Variants in CNTN5 observed in about 807,000 individuals in gnomAD.
The protein encoded by CNTN5 is contactin 5, also known as contactin-5.
A neutral mutation model predicts 129.1 loss-of-function variants in CNTN5; 77 were observed. The observed-to-expected ratio is 0.60, with a 90% CI of 0.50 to 0.72. CNTN5 has a LOEUF of 0.72. Among genes scored for constraint, CNTN5 ranks in the 30% least tolerant of loss-of-function variants. The probability of loss-of-function intolerance (pLI) is 0.00; values close to 1 mark genes in which losing one functional copy is unlikely to be tolerated. For missense variants in CNTN5, 1,478 were observed against 1,328.8 expected (o/e 1.11, Z -1.75); for synonymous variants, 509 against 465.6 (o/e 1.09, Z -1.20).
chr11:99,036,828 T>A (rs1863758625), intron 1 of CNTN5, among the ~76,000 whole-genome samples: 1 of 152,238 alleles, frequency 6.6e-6, no homozygotes, highest in South Asian at 2.1e-4. Flanking sequence ...CATCCCTTTA[T>A]GTTTATAACA....
In CNTN5 at chr11:99,370,656, A is replaced by T. The variant is rs990959251; in HGVS notation, c.-71+45172A>T. Among the ~76,000 whole-genome samples, 8 of 152,202 alleles carry T rather than the reference A, an allele frequency of 5.3e-5. No individual in the cohort carries two copies. In the East Asian group the frequency reaches 1.5e-3, roughly 29 times the overall value. On this transcript the variant is annotated intron_variant, in intron 2 of 24. Transcript: ENST00000524871. ...TCATTTGGATCAGAGAGTTGGCATA[A>T]AATTACAGAAATGGAATAGATACCC...
At chr11:100,136,917 C>T (rs1304094211) in intron 13 of CNTN5, among the ~76,000 whole-genome samples, 1 of 151,778 alleles carries the variant, frequency 6.6e-6, no homozygotes, top group Non-Finnish European at 1.5e-5. Context: ...ATGTGAACTC[C>T]ATTACCTGCA....
chr11:100,252,386 T>C (rs527274216), intron 16 of CNTN5, among the ~76,000 whole-genome samples: 31 of 152,342 alleles, frequency 2.0e-4, no homozygotes, highest in Non-Finnish European at 2.8e-4. Flanking sequence ...CTGTTGATTA[T>C]TTCTTTTGCT....
intron 3 of CNTN5, among the ~76,000 whole-genome samples, chr11:99,773,249 A>G (rs1945005313): frequency 1.3e-5 from 2 of 152,152 alleles, no homozygotes; most frequent in East Asian, 3.9e-4. Flanking sequence ...TGGCCTGAGG[A>G]AAATTCTAGG....
intron 13 of CNTN5, among the ~76,000 whole-genome samples, chr11:100,140,863 A>G (rs1946678523): frequency 1.3e-5 from 2 of 152,122 alleles, no homozygotes; most frequent in Non-Finnish European, 2.9e-5. Context: ...GTGATGTAAG[A>G]GTCAAAGTTG....
chr11:99,733,860 C>A (rs1238594633), intron 3 of CNTN5, among the ~76,000 whole-genome samples: 1 of 152,184 alleles, frequency 6.6e-6, no homozygotes. Context: ...CAGAGACCAG[C>A]CTACTGACTT....
intron 3 of CNTN5, among the ~76,000 whole-genome samples, chr11:99,655,418 C>T (rs566764125): frequency 6.6e-6 from 1 of 152,186 alleles, no homozygotes; most frequent in East Asian, 1.9e-4. Flanking sequence ...AGGACAATTC[C>T]AGTTCTATAG....
chr11:100,012,820 A>G (rs1415784225), intron 9 of CNTN5, among the ~76,000 whole-genome samples: 1 of 152,204 alleles, frequency 6.6e-6, no homozygotes, highest in Non-Finnish European at 1.5e-5. Context: ...GTTAACAAGA[A>G]CATGAAGCAA....
Position 100,061,195 on chromosome 11 carries a change from T to G in CNTN5, c.981-17T>G. On this transcript the variant is annotated splice_polypyrimidine_tract_variant and intron_variant, in intron 9 of 24. Transcript: ENST00000524871. ...CAGTGGAGAGTGTATTAACAGTATT[T>G]TTGTTCCCTATCGTAGCCCCGTTCC... 1 of 1,592,924 alleles carries G rather than the reference T, an allele frequency of 6.3e-7. No homozygotes were observed. Among genetic ancestry groups the G allele is most frequent in the Non-Finnish European group, 8.6e-7 (1 of 1,163,538 alleles).
intron 2 of CNTN5, among the ~76,000 whole-genome samples, chr11:99,359,492 T>A (rs941753205): frequency 1.3e-5 from 2 of 152,026 alleles, no homozygotes; most frequent in Non-Finnish European, 2.9e-5. Context: ...ACAAAATGTA[T>A]GTTCTTCTTG....
chr11:99,832,540 G>A (rs1194436867), intron 4 of CNTN5, among the ~76,000 whole-genome samples: 1 of 152,140 alleles, frequency 6.6e-6, no homozygotes, highest in Non-Finnish European at 1.5e-5. Flanking sequence ...AGAAATCCTT[G>A]AAGGTTTTAT....
intron 1 of CNTN5, among the ~76,000 whole-genome samples, chr11:99,291,032 T>G (rs1164227886): frequency 6.6e-6 from 1 of 151,896 alleles, no homozygotes; most frequent in Non-Finnish European, 1.5e-5. Context: ...CACAGTGCTG[T>G]GTCCAAATGT....
intron 10 of CNTN5, 23 bp downstream of exon 10, chr11:100,061,416 G>C (rs748422149): frequency 1.3e-6 from 2 of 1,508,610 alleles, no homozygotes; most frequent in Non-Finnish European, 1.8e-6. Flanking sequence ...AGCAAAGCAT[G>C]ATTGCTCTAG....
chr11:100,308,275 G>C, intron 20 of CNTN5, 84 bp from the exon 21 acceptor site: 2 of 1,202,158 alleles, frequency 1.7e-6, no homozygotes, highest in Non-Finnish European at 2.3e-6. Context: ...TAAGGTAAGA[G>C]GAATTTAACA....
At chr11:99,389,164 G>A (rs1333040658) in intron 2 of CNTN5, among the ~76,000 whole-genome samples, 1 of 151,894 alleles carries the variant, frequency 6.6e-6, no homozygotes, top group Non-Finnish European at 1.5e-5. Context: ...CAAGTAGCTG[G>A]GATTACAGGC....
At chr11:99,991,475 C>CAAAA (rs1939093858) in intron 8 of CNTN5, among the ~76,000 whole-genome samples, 1 of 151,714 alleles carries the variant, frequency 6.6e-6, no homozygotes, top group Non-Finnish European at 1.5e-5. Flanking sequence ...TCAAAACAAA[C>CAAAA]AAACAAACAA....
chr11:99,971,824 T>C (rs985853630), intron 8 of CNTN5, among the ~76,000 whole-genome samples: 5 of 150,494 alleles, frequency 3.3e-5, no homozygotes, highest in Non-Finnish European at 7.4e-5. Context: ...TTTTAAATTA[T>C]AATATTTAAT....
chr11:99,896,722 C>T lies in CNTN5; in HGVS notation c.578-19332C>T, dbSNP rs562809009. ...CAAGAAGGCTTCTCACCTTTGCATG[C>T]TTCAAACAATGAAATTTAGAACTCC... On this transcript the variant is annotated intron_variant, in intron 6 of 24. Transcript: ENST00000524871. Among the ~76,000 whole-genome samples, 10 of 152,320 alleles carry T rather than the reference C, an allele frequency of 6.6e-5. No individual in the cohort carries two copies. The East Asian group carries it at 1.4e-3, about 21-fold the overall frequency.
chr11:99,341,719 T>G (rs1866522342), intron 2 of CNTN5, among the ~76,000 whole-genome samples: 1 of 152,156 alleles, frequency 6.6e-6, no homozygotes, highest in African/African-American at 2.4e-5. Flanking sequence ...ACTTAAAGCT[T>G]ATATTTAACC....
Sources: allele counts gnomAD v4.1 joint callset (sites outside exome capture counted in the v4.1 genomes callset), GRCh38; gene constraint gnomAD v4.1.1; transcripts MANE v1.5; gene names NCBI Gene and HGNC (gene_info 2026-07-23, HGNC 2026-07-21).